Variants in FUT9 observed in about 807,000 individuals in gnomAD.
The protein encoded by FUT9 is 4-galactosyl-N-acetylglucosaminide 3-alpha-L-fucosyltransferase 9.
FUT9 carries 15 observed loss-of-function variants against 29.7 expected under a neutral mutation model. The ratio of observed to expected loss-of-function variants is 0.51; its 90% CI spans 0.34 to 0.78. FUT9 has a LOEUF of 0.78. Among genes scored for constraint, FUT9 ranks in the 30% least tolerant of loss-of-function variants. The pLI is 0.01. For missense variants in FUT9, 319 were observed against 425.4 expected (o/e 0.75, Z 2.20); for synonymous variants, 169 against 153.7 (o/e 1.10, Z -0.74).
At chr6:96,178,919 T>C (rs1471290221) in intron 2 of FUT9, among the ~76,000 whole-genome samples, 1 of 152,118 alleles carries the variant, frequency 6.6e-6, no homozygotes, top group Non-Finnish European at 1.5e-5. Flanking sequence ...AAATATGTCC[T>C]TTTTCTTTAA....
chr6:96,106,505 C>T (rs1345399920), intron 1 of FUT9, among the ~76,000 whole-genome samples: 1 of 152,046 alleles, frequency 6.6e-6, no homozygotes. Flanking sequence ...GAGGCATGTA[C>T]TTCTTGGTGG....
At chr6:96,157,146 A>T (rs889536568) in intron 2 of FUT9, among the ~76,000 whole-genome samples, 3 of 152,174 alleles carry the variant, frequency 2.0e-5, no homozygotes, top group Non-Finnish European at 4.4e-5. Context: ...GCTAACTAAG[A>T]TGTGTGTTTT....
At chr6:96,089,983 T>A (rs1771383662) in intron 1 of FUT9, among the ~76,000 whole-genome samples, 1 of 152,148 alleles carries the variant, frequency 6.6e-6, no homozygotes, top group South Asian at 2.1e-4. Flanking sequence ...AAAACATGGT[T>A]GTATTATAGG....
chr6:96,137,257 C>T (rs757654209), intron 2 of FUT9, among the ~76,000 whole-genome samples: 10 of 151,690 alleles, frequency 6.6e-5, no homozygotes, highest in Non-Finnish European at 7.4e-5. Context: ...TTTTGAGTAA[C>T]GCATAAAGGA....
In FUT9 at chr6:96,211,550, A is replaced by AAGCCTTT. The variant is rs1773937433; in HGVS notation, c.*7316_*7317insGCCTTTA. 6.0e-6 allele frequency: 1 copy of AAGCCTTT among 166,884 alleles called. No homozygotes were observed. The highest frequency in any genetic ancestry group is 2.4e-5 in the African/African-American group (1 of 41,438). The allele number at this position is 166,884 out of a possible 1,614,324, so 10.3% of individuals were successfully genotyped here. Reference sequence around the variant, plus strand: ...TAAAAAAAAGCTAAAAGTTGCTTTTAATATGTTAGGGTATAACTTCAATAA... The same window carrying AAGCCTTT: ...TAAAAAAAAGCTAAAAGTTGCTTTTAAGCCTTTATATGTTAGGGTATAACTTCAATAA... On this transcript the variant is annotated 3_prime_UTR_variant, in exon 3 of 3. Coordinates refer to ENST00000302103, the MANE Select transcript of FUT9 (RefSeq NM_006581.4).
chr6:96,103,228 C>T (rs964497714), intron 1 of FUT9, among the ~76,000 whole-genome samples: 6 of 152,028 alleles, frequency 3.9e-5, no homozygotes, highest in Non-Finnish European at 5.9e-5. Context: ...CATATACGCG[C>T]GTGTGTGTAT....
intron 2 of FUT9, among the ~76,000 whole-genome samples, chr6:96,186,588 A>T (rs1773410355): frequency 1.3e-5 from 2 of 152,174 alleles, no homozygotes; most frequent in African/African-American, 4.8e-5. Context: ...ATCTGTATAG[A>T]AAGAGATTTA....
At chr6:96,089,506 AT>A (rs767379335) in intron 1 of FUT9, among the ~76,000 whole-genome samples, 10 of 152,146 alleles carry the variant, frequency 6.6e-5, no homozygotes, top group Admixed American at 2.0e-4. Context: ...TGTTTGATGT[AT>A]TTGCTTTCCT....
chr6:96,135,016 CA>C lies in FUT9; in HGVS notation c.-9+20894del, dbSNP rs201969308. On this transcript the variant is annotated intron_variant, in intron 2 of 2. Transcript: ENST00000302103. The stretch of plus-strand genomic sequence containing the variant: ...GACACATTCAAATTACCTGGCATTT[CA>C]AAAAGGTGCAGGTTGCTGTATTGCT... 8.3e-4 allele frequency among the ~76,000 whole-genome samples: 107 copies of C among 129,314 alleles called. 1 individual carries two copies. The highest frequency in any genetic ancestry group is 4.5e-3 in the Middle Eastern group (1 of 224). The allele number at this position is 129,314 out of a possible 152,430, so 84.8% of individuals were successfully genotyped here.
At chr6:96,092,317 G>T (rs1234351281) in intron 1 of FUT9, among the ~76,000 whole-genome samples, 1 of 152,056 alleles carries the variant, frequency 6.6e-6, no homozygotes, top group African/African-American at 2.4e-5. Flanking sequence ...CTTATCCTAT[G>T]ATACACTTGT....
At chr6:96,082,428 T>C (rs1048430769) in intron 1 of FUT9, among the ~76,000 whole-genome samples, 3 of 151,858 alleles carry the variant, frequency 2.0e-5, no homozygotes, top group African/African-American at 7.2e-5. Flanking sequence ...ATCAGCAGTA[T>C]AACAAATAGA....
intron 1 of FUT9, among the ~76,000 whole-genome samples, chr6:96,042,542 T>G (rs1053767585): frequency 1.3e-5 from 2 of 152,198 alleles, no homozygotes; most frequent in African/African-American, 4.8e-5. Context: ...GCATAGTAAA[T>G]TGCAGTACAC....
At chr6:96,189,352 G>A (rs1248499457) in intron 2 of FUT9, among the ~76,000 whole-genome samples, 1 of 91,282 alleles carries the variant, frequency 1.1e-5, no homozygotes, top group Non-Finnish European at 2.4e-5. Flanking sequence ...TAAGCTACAT[G>A]AAGACTTTTA....
chr6:96,069,670 C>T (rs182631245), intron 1 of FUT9, among the ~76,000 whole-genome samples: 67 of 151,152 alleles, frequency 4.4e-4, no homozygotes, highest in African/African-American at 1.6e-3. Context: ...AAGGCTCTGT[C>T]GCCCAGGCTG....
intron 2 of FUT9, among the ~76,000 whole-genome samples, chr6:96,195,188 G>C (rs1384540970): frequency 2.0e-5 from 3 of 152,076 alleles, no homozygotes; most frequent in Non-Finnish European, 4.4e-5. Flanking sequence ...CAAAAATGAA[G>C]GAAGAAGAAA....
Position 96,203,217 on chromosome 6 carries a change from G to T in FUT9, c.62G>T (p.Cys21Phe). The T allele has an allele frequency of 6.2e-7, 1 of 1,613,028 alleles. No individual in the cohort carries two copies. The highest frequency in any genetic ancestry group is 8.5e-7 in the Non-Finnish European group (1 of 1,179,106). The change falls in exon 3 of 3, where the codon TGT (cysteine) becomes TTT (phenylalanine). Residue 21 changes from cysteine (C) to phenylalanine (F), a missense_variant. Transcript: ENST00000302103. ...TTAATTGTCTGCATTATCCTGGGCT[G>T]TTTCATGGCATGTCTTCTCATTTAC... ...PFLIVCIILGCFMACLLIYIK... is the reference protein window; with the variant it reads ...PFLIVCIILGFFMACLLIYIK...
intron 2 of FUT9, among the ~76,000 whole-genome samples, chr6:96,186,322 G>A (rs1773405528): frequency 6.6e-6 from 1 of 152,056 alleles, no homozygotes; most frequent in African/African-American, 2.4e-5. Context: ...AGCAAAGCTG[G>A]TGCTAATTAG....
At chr6:96,112,441 C>A (rs1433558192) in intron 1 of FUT9, among the ~76,000 whole-genome samples, 2 of 152,114 alleles carry the variant, frequency 1.3e-5, no homozygotes, top group Admixed American at 1.3e-4. Flanking sequence ...CTTGTATTAT[C>A]TTTAAATGTG....
intron 1 of FUT9, among the ~76,000 whole-genome samples, chr6:96,040,702 C>T (rs757925919): frequency 4.0e-5 from 6 of 151,566 alleles, no homozygotes; most frequent in African/African-American, 7.3e-5. Flanking sequence ...TAAAAAGGTA[C>T]CTGTTTTGGA....
Sources: allele counts gnomAD v4.1 joint callset (sites outside exome capture counted in the v4.1 genomes callset), GRCh38; gene constraint gnomAD v4.1.1; transcripts MANE v1.5; gene names NCBI Gene and HGNC (gene_info 2026-07-23, HGNC 2026-07-21).